Variants in VPS13D observed in about 807,000 individuals in gnomAD.
VPS13D encodes the protein intermembrane lipid transfer protein VPS13D.
In VPS13D, 187 loss-of-function variants were observed where a neutral mutation model predicts 461.9. That is an observed-to-expected ratio of 0.40 (90% CI 0.36 to 0.46). The LOEUF (loss-of-function observed/expected upper bound fraction) is 0.46, where lower values mean the gene tolerates loss of function less well. Among genes scored for constraint, VPS13D ranks in the 20% least tolerant of loss-of-function variants. VPS13D has a pLI of 0.60. For synonymous variants in VPS13D, 1,951 were observed against 1,986.3 expected (o/e 0.98, Z 0.47); for missense variants, 4,711 against 5,364.9 (o/e 0.88, Z 3.81).
rs1643335291 is a variant in VPS13D at position 12,331,658 on chromosome 1, G to T, written c.8288-1568G>T. 6.2e-5 allele frequency among the ~76,000 whole-genome samples: 9 copies of T among 146,312 alleles called. No homozygotes were observed. The Admixed American group carries it at 6.2e-4, about 10-fold the overall frequency. On this transcript the variant is annotated intron_variant, in intron 37 of 69. Transcript: ENST00000620676. ...ACCCAGGAGGTGGAGATTACAGTGA[G>T]CCAAGATCGTGCCACTGCACTCCAG...
chr1:12,369,698 T>C lies in VPS13D; in HGVS notation c.10804T>C (p.Ser3602Pro). The change falls in exon 54 of 70, where the codon TCT becomes CCT. Residue 3602 changes from serine to proline, a missense_variant. Transcript: ENST00000620676. The stretch of plus-strand genomic sequence containing the variant: ...TTACATTGCTGCTACATATACATTC[T>C]CTGGGTAATTCTTGATTAAATTACT... The part of the protein sequence containing the change: ...FIYIAATYTF[S>P]GLQEGTGRPV... 1 of 1,612,780 alleles carries C rather than the reference T, an allele frequency of 6.2e-7. No individual in the cohort carries two copies. The highest frequency in any genetic ancestry group is 8.5e-7 in the Non-Finnish European group (1 of 1,179,030).
At chr1:12,268,415 C>T (rs1440462376) in intron 15 of VPS13D, among the ~76,000 whole-genome samples, 6 of 151,960 alleles carry the variant, frequency 3.9e-5, no homozygotes, top group Non-Finnish European at 8.8e-5. Context: ...ACAGCCTGGT[C>T]CTCTCTCAGT....
chr1:12,320,830 G>A (rs1397543260), intron 32 of VPS13D, among the ~76,000 whole-genome samples: 4 of 152,186 alleles, frequency 2.6e-5, no homozygotes, highest in Non-Finnish European at 5.9e-5. Context: ...ATTTGAGATC[G>A]CTGGAAACTC....
intron 37 of VPS13D, among the ~76,000 whole-genome samples, chr1:12,330,674 C>G (rs971078051): frequency 2.6e-5 from 4 of 152,010 alleles, no homozygotes; most frequent in African/African-American, 7.2e-5. Context: ...TCAAGTGATT[C>G]CCCTGCCTCA....
intron 67 of VPS13D, among the ~76,000 whole-genome samples, chr1:12,489,381 G>A (rs954313795): frequency 6.6e-6 from 1 of 152,196 alleles, no homozygotes; most frequent in Non-Finnish European, 1.5e-5. Flanking sequence ...TGTCATCCCT[G>A]CTGCTGGATG....
Position 12,258,003 on chromosome 1 carries a change from G to T in VPS13D, c.1010G>T (p.Cys337Phe). The T allele has an allele frequency of 1.9e-6, 3 of 1,614,188 alleles. No homozygotes were observed. The highest frequency in any genetic ancestry group is 2.5e-6 in the Non-Finnish European group (3 of 1,180,046). The stretch of plus-strand genomic sequence containing the variant: ...GAGATCAGAGAGCAGAGGAAACGTT[G>T]CACCTGGGACTTTATGTTGCACCGC... ...LYEIREQRKR[C>F]TWDFMLHRAR... The change falls in exon 10 of 70, where the codon TGC becomes TTC. Residue 337 changes from cysteine to phenylalanine, a missense_variant. Transcript: ENST00000620676.
In VPS13D at chr1:12,257,945, T is replaced by C; in HGVS notation, c.952T>C (p.Trp318Arg). ...TATGGACTATTTCAGCTGCCGAGAA[T>C]GGTGGTATTTTGCTTTGAATGCTAA... ...KVAISKNCRE[W>R]WYFALNANLY... The change falls in exon 10 of 70, where the codon TGG becomes CGG. Residue 318 changes from tryptophan (W) to arginine (R), a missense_variant. Physicochemically the swap from Trp to Arg is moderately radical, Grantham distance 101 (BLOSUM62 -3). Coordinates refer to ENST00000620676, the MANE Select transcript of VPS13D (RefSeq NM_015378.4). 2 of 1,614,144 alleles carry C rather than the reference T, an allele frequency of 1.2e-6. No homozygotes were observed. The highest frequency in any genetic ancestry group is 2.2e-5 in the South Asian group (2 of 91,080).
Position 12,507,848 on chromosome 1 carries a change from G to T in VPS13D, c.13035+755G>T, listed in dbSNP as rs138946464. ...TGTCTCTGGCCAGTCGGCCCTGGAG[G>T]CTTGCCATGACACCCAGGTGTTAGT... On this transcript the variant is annotated intron_variant, in intron 69 of 69. Transcript: ENST00000620676. This position sits in a 1 kb window ranked among gnomAD's most constrained non-coding sequence, Gnocchi z 5.3. Among the ~76,000 whole-genome samples, 308 of 152,366 alleles carry T rather than the reference G, an allele frequency of 2.0e-3. No homozygotes were observed. The highest frequency in any genetic ancestry group is 6.8e-3 in the African/African-American group (282 of 41,592).
rs1643604917 is a variant in VPS13D, at chr1:12,343,038, A to G, written c.8872A>G (p.Lys2958Glu). 6.2e-7 allele frequency: 1 copy of G among 1,612,790 alleles called. No individual in the cohort carries two copies. The highest frequency in any genetic ancestry group is 1.3e-5 in the African/African-American group (1 of 74,914). Residue 2958 changes from lysine to glutamate, a missense_variant, in exon 42 of 70, where the codon AAG becomes GAG. By Grantham distance (56) the Lys-to-Glu change is moderately conservative (BLOSUM62 1). Transcript: ENST00000620676. Reference sequence around the variant, plus strand: ...TCCCTTTGAATTTGAAGCAAGAGGAAAGTTAAGACACAGGTAAAGTATGGT... The same window carrying G: ...TCCCTTTGAATTTGAAGCAAGAGGAGAGTTAAGACACAGGTAAAGTATGGT... Reference protein sequence around the residue: ...EIPFEFEARGKLRHRHTHDLR... With the variant: ...EIPFEFEARGELRHRHTHDLR...
In VPS13D at chr1:12,322,595, C is replaced by T; in HGVS notation, c.7764C>T (p.Ala2588=). 1 of 1,614,210 alleles carries T rather than the reference C, an allele frequency of 6.2e-7. No individual in the cohort carries two copies. Among genetic ancestry groups the T allele is most frequent in the Non-Finnish European group, 8.5e-7 (1 of 1,180,034 alleles). The change falls in exon 34 of 70, where the codon GCC becomes GCT. Residue 2588 remains alanine (A), a synonymous_variant. Transcript: ENST00000620676. The part of the protein sequence containing the change: ...LSYNDVQLFL[A]IAKSIPEQAN... ...ATAATGATGTTCAGCTGTTTCTTGCCATTGCAAAATCCATCCCAGAGCAAG... is the reference window on the plus strand; with the variant it reads ...ATAATGATGTTCAGCTGTTTCTTGCTATTGCAAAATCCATCCCAGAGCAAG...
At chr1:12,280,921 GTAAT>G (rs1283755626) in intron 20 of VPS13D, among the ~76,000 whole-genome samples, 6 of 151,776 alleles carry the variant, frequency 4.0e-5, no homozygotes, top group African/African-American at 9.7e-5. Flanking sequence ...TAATTGATTA[GTAAT>G]TAATTTAATA....
intron 55 of VPS13D, among the ~76,000 whole-genome samples, chr1:12,375,877 C>T (rs1179351725): frequency 2.0e-5 from 3 of 152,196 alleles, no homozygotes; most frequent in Non-Finnish European, 4.4e-5. Flanking sequence ...CACACAAGCC[C>T]CATGGAGTTC....
chr1:12,414,931 T>C (rs1394286603), intron 63 of VPS13D, among the ~76,000 whole-genome samples, 156 bp from the exon 64 acceptor site: 1 of 152,208 alleles, frequency 6.6e-6, no homozygotes, highest in Non-Finnish European at 1.5e-5. Context: ...TATTTTACTT[T>C]TATAGTTATA....
At chr1:12,431,233 CA>C (rs762637190) in intron 65 of VPS13D, among the ~76,000 whole-genome samples, 1 of 152,110 alleles carries the variant, frequency 6.6e-6, no homozygotes, top group Non-Finnish European at 1.5e-5. Flanking sequence ...TTAGTTATTC[CA>C]GCTGAATATG....
intron 40 of VPS13D, 45 bp downstream of exon 40, chr1:12,338,350 A>G (rs1350758801): frequency 6.3e-7 from 1 of 1,586,838 alleles, no homozygotes; most frequent in African/African-American, 1.3e-5. Flanking sequence ...TCCTGTTTTA[A>G]GAACTTCCTT....
Position 12,329,936 on chromosome 1 carries a change from G to A in VPS13D, c.8287+18G>A, listed in dbSNP as rs1484723531. 1 of 1,393,582 alleles carries A rather than the reference G, an allele frequency of 7.2e-7. No homozygotes were observed. Among genetic ancestry groups the A allele is most frequent in the Admixed American group, 2.0e-5 (1 of 51,238 alleles). 86.3% of individuals were successfully genotyped at this position (1,393,582 alleles called of 1,614,324 possible). A position where few individuals can be genotyped will look rare whatever the true frequency, so the allele number is the denominator to read the frequency against. On this transcript the variant is annotated intron_variant, in intron 37 of 69. Transcript: ENST00000620676. ...TCTTTCAGGTCAGTATAAAGCATAT[G>A]TTATCATGGGATTTAAAAAATAAAT...
At chr1:12,400,398 A>G in intron 61 of VPS13D, 68 bp downstream of exon 61, 14 of 1,577,930 alleles carry the variant, frequency 8.9e-6, no homozygotes, top group South Asian at 1.2e-5. Context: ...CTCACAGCCA[A>G]GTCTCAGAGC....
intron 68 of VPS13D, chr1:12,499,794 G>A (rs1452268098): frequency 1.0e-6 from 1 of 985,250 alleles, no homozygotes; most frequent in Non-Finnish European, 1.2e-6. Context: ...ATGTTCCTCT[G>A]AAGTGTCCTC....
intron 41 of VPS13D, chr1:12,342,657 CTGAGG>C (rs1643595957): frequency 5.0e-6 from 2 of 396,766 alleles, no homozygotes; most frequent in Non-Finnish European, 4.6e-6. Context: ...ATTCTACTGC[CTGAGG>C]TAAGTGGCTA....
Sources: gnomAD v4.1 joint callset for allele counts (sites outside exome capture counted in the v4.1 genomes callset) on GRCh38, gnomAD v4.1.1 for gene constraint, Gnocchi (gnomAD v3.1) non-coding constraint, MANE v1.5 for transcripts, NCBI Gene and HGNC (gene_info 2026-07-23, HGNC 2026-07-21) for gene names.